Variants in SHISA9 observed in about 807,000 individuals in gnomAD.
SHISA9 encodes shisa family member 9.
In SHISA9, 13 loss-of-function variants were observed where a neutral mutation model predicts 38.0. That is an observed-to-expected ratio of 0.34 (90% CI 0.22 to 0.54). The LOEUF (loss-of-function observed/expected upper bound fraction) is 0.54, where lower values mean the gene tolerates loss of function less well. SHISA9 is among the 20% of genes least tolerant of loss of function. The pLI is 0.91. For missense variants in SHISA9, 538 were observed against 575.8 expected, an observed-to-expected ratio of 0.93 and a Z score of 0.67; for synonymous variants, 275 against 242.0, an observed-to-expected ratio of 1.14 and a Z score of -1.27.
At chr16:13,217,416 A>G (rs970675785) in intron 4 of SHISA9, among the ~76,000 whole-genome samples, 12 of 152,204 alleles carry the variant, frequency 7.9e-5, no homozygotes, top group Non-Finnish European at 1.6e-4. Flanking sequence ...GAAACTTTAA[A>G]CTTAAGCCCA....
intron 2 of SHISA9, among the ~76,000 whole-genome samples, chr16:13,073,932 C>T (rs182513993): frequency 1.3e-5 from 2 of 151,714 alleles, no homozygotes; most frequent in South Asian, 2.1e-4. Context: ...GCCTCTAGAA[C>T]CGTGAGAATA....
chr16:13,138,850 C>T (rs1282274800), intron 2 of SHISA9, among the ~76,000 whole-genome samples: 2 of 152,068 alleles, frequency 1.3e-5, no homozygotes, highest in Non-Finnish European at 1.5e-5. Flanking sequence ...CCTGACATGG[C>T]CAGAGTGTCT....
chr16:13,184,379 C>A (rs57638927), intron 2 of SHISA9, among the ~76,000 whole-genome samples: 4,009 of 152,308 alleles, frequency 0.026, 181 homozygotes, highest in African/African-American at 0.093. Context: ...CTCCATATTT[C>A]AGAGAGCTCT....
chr16:13,390,426 C>T, the SHISA9 span, among the ~76,000 whole-genome samples: 1 of 152,170 alleles, frequency 6.6e-6, no homozygotes, highest in Admixed American at 6.5e-5. Flanking sequence ...TGGTTCTCTG[C>T]ATCTGGGTGG....
Position 12,910,875 on chromosome 16 carries a change from G to T in SHISA9, c.564-5813G>T, listed in dbSNP as rs75288282. On this transcript the variant is annotated intron_variant, in intron 1 of 4. Coordinates refer to ENST00000558583, the MANE Select transcript of SHISA9 (RefSeq NM_001145204.3). ...GAGAATTCTCTCTTTTTGGGGCAAA[G>T]GTCAGTGTTTTGTTCTATCCAGGCT... 1,311 of 365,070 alleles carry T rather than the reference G, an allele frequency of 3.6e-3. 15 individuals carry two copies. Among genetic ancestry groups the T allele is most frequent in the African/African-American group, 0.027 (1,235 of 45,680 alleles). The allele number at this position is 365,070 out of a possible 1,614,324, so 22.6% of individuals were successfully genotyped here.
chr16:13,162,815 G>A (rs1191077207), intron 2 of SHISA9, among the ~76,000 whole-genome samples: 2 of 147,848 alleles, frequency 1.4e-5, no homozygotes, highest in African/African-American at 4.9e-5. Context: ...AGCAAATTAA[G>A]TTAGTCATTT....
chr16:13,079,406 T>C (rs2073621927), intron 2 of SHISA9, among the ~76,000 whole-genome samples: 1 of 152,216 alleles, frequency 6.6e-6, no homozygotes, highest in Non-Finnish European at 1.5e-5. Context: ...TATATATGAT[T>C]GTTTTTGTTG....
chr16:13,089,454 TATTA>T (rs2073750457), intron 2 of SHISA9, among the ~76,000 whole-genome samples: 2 of 152,202 alleles, frequency 1.3e-5, no homozygotes, highest in Non-Finnish European at 2.9e-5. Context: ...GTTGGTAGGC[TATTA>T]ATTATTGCCT....
At chr16:13,089,614 G>C (rs2073752317) in intron 2 of SHISA9, among the ~76,000 whole-genome samples, 1 of 152,150 alleles carries the variant, frequency 6.6e-6, no homozygotes, top group South Asian at 2.1e-4. Context: ...ATTCTCTGAT[G>C]GTAGTTTGTA....
intron 2 of SHISA9, among the ~76,000 whole-genome samples, chr16:13,115,489 G>C (rs1243976936): frequency 3.3e-5 from 5 of 152,216 alleles, no homozygotes; most frequent in Non-Finnish European, 7.3e-5. Context: ...TTTGTTTGTG[G>C]CTTAAGAATG....
chr16:13,160,202 G>T (rs1321505982), intron 2 of SHISA9, among the ~76,000 whole-genome samples: 1 of 152,138 alleles, frequency 6.6e-6, no homozygotes, highest in Non-Finnish European at 1.5e-5. Context: ...AGGCAGGCGT[G>T]AGCTGGTGTG....
intron 2 of SHISA9, among the ~76,000 whole-genome samples, chr16:13,159,721 ACT>A (rs1170596936): frequency 1.3e-5 from 2 of 152,208 alleles, no homozygotes; most frequent in African/African-American, 4.8e-5. Context: ...GAGAACACAG[ACT>A]CACAGATATG....
chr16:12,939,472 C>T (rs917325951), intron 2 of SHISA9, among the ~76,000 whole-genome samples: 1 of 152,206 alleles, frequency 6.6e-6, no homozygotes, highest in Non-Finnish European at 1.5e-5. Context: ...CTTGTGTGCA[C>T]TGGTCACAAG....
intron 2 of SHISA9, among the ~76,000 whole-genome samples, chr16:12,976,587 C>T (rs987446576): frequency 6.6e-6 from 1 of 152,160 alleles, no homozygotes; most frequent in Non-Finnish European, 1.5e-5. Flanking sequence ...TTCAGTTACT[C>T]TAGATATTCA....
chr16:13,083,216 T>C (rs1269614170), intron 2 of SHISA9, among the ~76,000 whole-genome samples: 1 of 152,174 alleles, frequency 6.6e-6, no homozygotes. Context: ...GGCTACTCCA[T>C]GGGGCTGGAT....
chr16:12,981,644 C>T (rs1046614078), intron 2 of SHISA9, among the ~76,000 whole-genome samples: 4 of 152,138 alleles, frequency 2.6e-5, no homozygotes, highest in South Asian at 2.1e-4. Context: ...CCTGGGTCTT[C>T]GTTACAGGCT....
chr16:13,417,826 G>A, the SHISA9 span, among the ~76,000 whole-genome samples: 3 of 152,216 alleles, frequency 2.0e-5, no homozygotes, highest in African/African-American at 7.2e-5. Context: ...AGAGAAGAAG[G>A]GCATGGTGGT....
intron 2 of SHISA9, among the ~76,000 whole-genome samples, chr16:12,945,618 AC>A: frequency 6.6e-6 from 1 of 152,324 alleles, no homozygotes; most frequent in Non-Finnish European, 1.5e-5. Context: ...TCCACCACTT[AC>A]TAGTTATGTG....
intron 2 of SHISA9, among the ~76,000 whole-genome samples, chr16:13,019,607 G>A (rs952470800): frequency 3.3e-5 from 5 of 151,700 alleles, no homozygotes; most frequent in African/African-American, 9.7e-5. Context: ...TTCATTTCCC[G>A]GTCTTTTTTT....
Sources: gnomAD v4.1 joint callset for allele counts (sites outside exome capture counted in the v4.1 genomes callset) on GRCh38, gnomAD v4.1.1 for gene constraint, MANE v1.5 for transcripts, NCBI Gene and HGNC (gene_info 2026-07-23, HGNC 2026-07-21) for gene names.